USP37: variants seen among roughly 807,000 people sequenced by gnomAD.
USP37 encodes the protein ubiquitin carboxyl-terminal hydrolase 37.
USP37 carries 27 observed loss-of-function variants against 124.0 expected under a neutral mutation model. The observed-to-expected ratio is 0.22, with a 90% confidence interval of 0.16 to 0.30. USP37 has a LOEUF of 0.30. Ranked by LOEUF, USP37 falls within the 10% of genes least tolerant of loss-of-function variation. The probability of loss-of-function intolerance (pLI) is 1.00; values close to 1 mark genes in which losing one functional copy is unlikely to be tolerated. For synonymous variants in USP37, 365 were observed against 388.0 expected (o/e 0.94, Z 0.70); for missense variants, 889 against 1,140.4 (o/e 0.78, Z 3.17).
At position 218,481,694 on chromosome 2, in the gene USP37, T is replaced by TC. The variant is rs1484536466; in HGVS notation, c.1835+375_1835+376insG. On this transcript the variant is annotated intron_variant, in intron 17 of 25. Coordinates refer to ENST00000258399, the MANE Select transcript of USP37 (RefSeq NM_020935.3). ...TTTTCTTTTCTTTTCTTTTTTTTTT[T>TC]TTTTTTGAGATAGGGTCTTGCTCTG... is the stretch of plus-strand genomic sequence containing the variant. Among the ~76,000 whole-genome samples, 32 of 151,172 alleles carry TC rather than the reference T, an allele frequency of 2.1e-4. 1 individual carries two copies. The highest frequency in any genetic ancestry group is 7.5e-4 in the African/African-American group (31 of 41,302).
chr2:218,491,973 G>A (rs1279647058), intron 14 of USP37, among the ~76,000 whole-genome samples: 1 of 152,206 alleles, frequency 6.6e-6, no homozygotes, highest in South Asian at 2.1e-4. Context: ...GCTGAAGTGG[G>A]AAGTTGGCTT....
chr2:218,546,172 A>G, intron 8 of USP37, 49 bp downstream of exon 8: 15 of 1,446,480 alleles, frequency 1.0e-5, no homozygotes, highest in Non-Finnish European at 1.4e-5. Flanking sequence ...ACAAATACCA[A>G]TATAAGAAAC....
At chr2:218,538,876 T>C (rs1304404471) in intron 8 of USP37, among the ~76,000 whole-genome samples, 4 of 152,202 alleles carry the variant, frequency 2.6e-5, no homozygotes, top group African/African-American at 7.2e-5. Flanking sequence ...AATTCACAGA[T>C]AGTACTGAAA....
At chr2:218,507,548 T>C (rs1259948046) in intron 11 of USP37, among the ~76,000 whole-genome samples, 1 of 152,218 alleles carries the variant, frequency 6.6e-6, no homozygotes, top group Non-Finnish European at 1.5e-5. Context: ...ATATTTTGAT[T>C]CATGCTTCTG....
At chr2:218,485,635 C>CAAAAAAAAA (rs60749670) in intron 16 of USP37, 29 bp downstream of exon 16, 18 of 1,298,568 alleles carry the variant, frequency 1.4e-5, no homozygotes, top group Admixed American at 1.3e-4. Flanking sequence ...TAGTCCATAG[C>CAAAAAAAAA]AAAAAAAAAA....
At chr2:218,517,485 T>C (rs1056278598) in intron 10 of USP37, among the ~76,000 whole-genome samples, 2 of 152,236 alleles carry the variant, frequency 1.3e-5, no homozygotes, top group African/African-American at 4.8e-5. Flanking sequence ...ACTTCGAAAC[T>C]ATAGGATATT....
intron 1 of USP37, among the ~76,000 whole-genome samples, chr2:218,563,163 CAAA>C (rs11399554): frequency 1.6e-5 from 2 of 123,618 alleles, no homozygotes; most frequent in East Asian, 2.2e-4. Flanking sequence ...AACTCCATCT[CAAA>C]AAAAAAAAAA....
At chr2:218,558,752 T>C (rs1693161832) in intron 3 of USP37, 75 bp from the exon 4 acceptor site, 1 of 1,124,186 alleles carries the variant, frequency 8.9e-7, no homozygotes, top group Non-Finnish European at 1.3e-6. Context: ...TATAACTTAC[T>C]AGTAATTAAT....
Position 218,546,276 on chromosome 2 carries a change from T to C in USP37, c.625A>G (p.Ile209Val), listed in dbSNP as rs200753223. ...TCATTCAATTCTGAGCCAGTTGATA[T>C]CATTCTTTTCCTCTTTTCAGTACTA... Reference protein sequence around the residue: ...ENRTEKRKRMISTGSELNEDY... With the variant: ...ENRTEKRKRMVSTGSELNEDY... Residue 209 changes from isoleucine (I) to valine (V), a missense_variant, in exon 8 of 26, where the codon ATA becomes GTA. By Grantham distance (29) the Ile-to-Val change is conservative (BLOSUM62 3). Transcript: ENST00000258399. 8.1e-6 allele frequency: 13 copies of C among 1,613,002 alleles called. No homozygotes were observed. Among genetic ancestry groups the C allele is most frequent in the Non-Finnish European group, 1.0e-5 (12 of 1,179,732 alleles).
intron 9 of USP37, among the ~76,000 whole-genome samples, chr2:218,533,388 C>G (rs78175188): frequency 0.015 from 2,283 of 152,250 alleles, 24 homozygotes; most frequent in Non-Finnish European, 0.02. Context: ...AGTAGTGTTA[C>G]TTTAGTTCTT....
intron 1 of USP37, among the ~76,000 whole-genome samples, chr2:218,564,737 C>T (rs1352886222): frequency 1.3e-5 from 2 of 152,128 alleles, no homozygotes; most frequent in African/African-American, 2.4e-5. Context: ...ATAACAAACA[C>T]TTGTTAAGTG....
At chr2:218,491,411 C>T (rs1300917990) in intron 14 of USP37, among the ~76,000 whole-genome samples, 1 of 152,104 alleles carries the variant, frequency 6.6e-6, no homozygotes, top group Non-Finnish European at 1.5e-5. Flanking sequence ...CTACCCACGA[C>T]CTTAATGAGA....
chr2:218,529,856 T>A (rs1330242346), intron 10 of USP37, 100 bp downstream of exon 10: 6 of 859,140 alleles, frequency 7.0e-6, no homozygotes, highest in Non-Finnish European at 1.1e-5. Context: ...TAAATTATCA[T>A]ATTCACTTAA....
chr2:218,475,064 A>C, intron 19 of USP37, 179 bp from the exon 20 acceptor site: 1 of 458,292 alleles, frequency 2.2e-6, no homozygotes, highest in Non-Finnish European at 3.7e-6. Flanking sequence ...AAAAATAATA[A>C]ATACATAAGA....
rs1691302963 is a variant in USP37 at position 218,482,147 on chromosome 2, T to C, written c.1758A>G (p.Arg586=). The part of the protein sequence containing the change: ...NKIGQQVIIP[R]YLTLSSHCTE... ...TGCAATGAGATGACAGGGTCAGGTA[T>C]CTTGGAATGATGACTTGCTGCCCAA... The change falls in exon 17 of 26, where the codon AGA becomes AGG. Residue 586 remains arginine, a synonymous_variant. Transcript: ENST00000258399. The C allele has an allele frequency of 6.2e-7, 1 of 1,613,982 alleles. No individual in the cohort carries two copies. The highest frequency in any genetic ancestry group is 1.3e-5 in the African/African-American group (1 of 75,050).
At chr2:218,456,985 AAG>A in intron 24 of USP37, 105 bp downstream of exon 24, 4 of 1,105,270 alleles carry the variant, frequency 3.6e-6, no homozygotes, top group East Asian at 3.2e-5. Flanking sequence ...AAAAAAGAAA[AAG>A]AAAAAGAAAA....
At position 218,469,515 on chromosome 2, in the gene USP37, G is replaced by A. The variant is rs115180599; in HGVS notation, c.2300-3339C>T. The stretch of plus-strand genomic sequence containing the variant: ...GTATTATTATTTTTATTATCAAAAC[G>A]TACTCAAAAACGTGACAGAATAATT... On this transcript the variant is annotated intron_variant, in intron 20 of 25. Transcript: ENST00000258399. Among the ~76,000 whole-genome samples, 618 of 152,152 alleles carry A rather than the reference G, an allele frequency of 4.1e-3. 3 individuals carry two copies. Among genetic ancestry groups the A allele is most frequent in the African/African-American group, 0.014 (575 of 41,504 alleles).
intron 20 of USP37, among the ~76,000 whole-genome samples, chr2:218,466,654 T>C (rs1690340695): frequency 6.6e-6 from 1 of 152,212 alleles, no homozygotes; most frequent in Non-Finnish European, 1.5e-5. Flanking sequence ...CTTGACCAAG[T>C]ACTGGAAATA....
chr2:218,524,314 A>C (rs1690830068), intron 10 of USP37, among the ~76,000 whole-genome samples: 1 of 152,182 alleles, frequency 6.6e-6, no homozygotes. Flanking sequence ...TGCCAAGACT[A>C]GTCTTGAACT....
Sources: allele counts gnomAD v4.1 joint callset (sites outside exome capture counted in the v4.1 genomes callset), GRCh38; gene constraint gnomAD v4.1.1; transcripts MANE v1.5; gene names NCBI Gene and HGNC (gene_info 2026-07-23, HGNC 2026-07-21).